Variants in KCNH4 observed in about 807,000 individuals in gnomAD.
KCNH4 encodes voltage-gated delayed rectifier potassium channel KCNH4.
Under a neutral mutation model 90.7 loss-of-function variants are expected in KCNH4, and 33 were observed. The observed-to-expected ratio is 0.36, with a 90% CI of 0.28 to 0.49. The LOEUF (loss-of-function observed/expected upper bound fraction) is 0.49, where lower values mean the gene tolerates loss of function less well. Ranked by LOEUF, KCNH4 falls within the 20% of genes least tolerant of loss-of-function variation. The pLI is 0.98. For missense variants in KCNH4, 1,044 were observed against 1,387.1 expected (o/e 0.75, Z 3.93); for synonymous variants, 551 against 581.7 (o/e 0.95, Z 0.76).
In KCNH4 at chr17:42,165,068, T is replaced by C. The variant is rs370432774; in HGVS notation, c.2085+381A>G. On this transcript the variant is annotated intron_variant, in intron 11 of 16. Transcript: ENST00000264661. ...TTGTGATGAGCCAAGATCGCGCCAC[T>C]GCACTCCAGCCTGGGCGACAGAGTA... Among the ~76,000 whole-genome samples, 26 of 150,504 alleles carry C rather than the reference T, an allele frequency of 1.7e-4. No individual in the cohort carries two copies. In the East Asian group the frequency reaches 5.1e-3, roughly 29 times the overall value.
intron 1 of KCNH4, among the ~76,000 whole-genome samples, chr17:42,179,364 C>T (rs1315033110): frequency 9.2e-5 from 14 of 152,202 alleles, no homozygotes; most frequent in Admixed American, 9.2e-4. Context: ...CTCCTGCAAC[C>T]CTCCACTGCC....
At position 42,169,997 on chromosome 17, in the gene KCNH4, G is replaced by A. The variant is rs541925529; in HGVS notation, c.1390+110C>T. On this transcript the variant is annotated intron_variant, in intron 8 of 16. Transcript: ENST00000264661. Reference sequence around the variant, plus strand: ...TCCGTGAATGAATGCGTGACTGTCTGGACTTGGGTAGACACCTCGGGCAGA... The same window carrying A: ...TCCGTGAATGAATGCGTGACTGTCTAGACTTGGGTAGACACCTCGGGCAGA... 6 of 1,154,806 alleles carry A rather than the reference G, an allele frequency of 5.2e-6. No homozygotes were observed. The South Asian group carries it at 7.7e-5, about 15-fold the overall frequency. 71.5% of individuals were successfully genotyped at this position (1,154,806 alleles called of 1,614,324 possible).
rs748071039 is a variant in KCNH4 at position 42,163,199 on chromosome 17, C to T, written c.2584+29G>A. On this transcript the variant is annotated intron_variant, in intron 14 of 16. Transcript: ENST00000264661. This position sits in a 1 kb window ranked among gnomAD's most constrained non-coding sequence, Gnocchi z 5.4. Reference sequence around the variant, plus strand: ...GACAGGTGGATGGGCAGATGGATGACGGGGTTGAAGTCCACTGTTGGCCCT... The same window carrying T: ...GACAGGTGGATGGGCAGATGGATGATGGGGTTGAAGTCCACTGTTGGCCCT... The T allele has an allele frequency of 1.1e-5, 16 of 1,442,554 alleles. No homozygotes were observed. The highest frequency in any genetic ancestry group is 5.6e-5 in the African/African-American group (4 of 71,530). 89.4% of individuals were successfully genotyped at this position (1,442,554 alleles called of 1,614,324 possible). A position where few individuals can be genotyped will look rare whatever the true frequency, so the allele number is the denominator to read the frequency against.
intron 15 of KCNH4, among the ~76,000 whole-genome samples, chr17:42,161,120 G>C (rs1227114824): frequency 6.6e-6 from 1 of 151,810 alleles, no homozygotes; most frequent in Non-Finnish European, 1.5e-5. Context: ...AGTAGAGACA[G>C]GGTTTCACCG....
At chr17:42,172,378 T>A (rs1007194632) in intron 6 of KCNH4, among the ~76,000 whole-genome samples, 1 of 151,910 alleles carries the variant, frequency 6.6e-6, no homozygotes, top group African/African-American at 2.4e-5. Flanking sequence ...TTCACTACAT[T>A]GGCCAGGATG....
rs2079891311 is a variant in KCNH4 at position 42,180,179 on chromosome 17, G to T, written c.76+691C>A. 6.6e-6 allele frequency among the ~76,000 whole-genome samples: 1 copy of T among 152,214 alleles called. No homozygotes were observed. Among genetic ancestry groups the T allele is most frequent in the East Asian group, 1.9e-4 (1 of 5,198 alleles). On this transcript the variant is annotated intron_variant, in intron 1 of 16. Transcript: ENST00000264661. The surrounding 1 kb of genome is among the most constrained non-coding windows in gnomAD (Gnocchi z 4.7). ...CCCCCACCATCCAGATCCCGGCCAG[G>T]GTTCCCGAGGGAATGGCGGGGTTGG...
intron 5 of KCNH4, 113 bp from the exon 6 acceptor site, chr17:42,175,849 T>C: frequency 1.5e-6 from 2 of 1,376,796 alleles, no homozygotes; most frequent in South Asian, 2.6e-5. Context: ...GAGAGATAGA[T>C]TGGGCTTCTG....
At chr17:42,175,147 G>A (rs1212847642) in intron 6 of KCNH4, among the ~76,000 whole-genome samples, 1 of 152,208 alleles carries the variant, frequency 6.6e-6, no homozygotes, top group African/African-American at 2.4e-5. Flanking sequence ...TGTCCCTGAT[G>A]TGCTCTGTGG....
At position 42,164,138 on chromosome 17, in the gene KCNH4, G is replaced by A. The variant is rs563282480; in HGVS notation, c.2116C>T (p.Leu706Phe). Reference sequence around the variant, plus strand: ...CAGGAAGTGGGTGTTACCTGGGAGAGGCGAGGGGATCGGGAAAAGCGGCTG... The same window carrying A: ...CAGGAAGTGGGTGTTACCTGGGAGAAGCGAGGGGATCGGGAAAAGCGGCTG... ...GLSRFSRSPR[L>F]SQPRSESLGS... Residue 706 changes from leucine (L) to phenylalanine (F), a missense_variant, in exon 12 of 17, where the codon CTC (leucine) becomes TTC (phenylalanine). Around this residue, in one of 4 missense-constraint regions of KCNH4, gnomAD observed 441 missense variants for 512.3 expected, o/e 0.86. Transcript: ENST00000264661. 40 of 1,551,840 alleles carry A rather than the reference G, an allele frequency of 2.6e-5. No homozygotes were observed. The East Asian group carries it at 9.2e-4, about 36-fold the overall frequency.
chr17:42,171,763 T>C, intron 7 of KCNH4, 25 bp downstream of exon 7: 2 of 1,612,260 alleles, frequency 1.2e-6, no homozygotes, highest in Non-Finnish European at 1.7e-6. Context: ...AGGTGGTCTG[T>C]GAAAGTTTGG....
intron 2 of KCNH4, 78 bp from the exon 3 acceptor site, chr17:42,178,555 C>G: frequency 6.5e-7 from 1 of 1,532,882 alleles, no homozygotes; most frequent in Non-Finnish European, 8.9e-7. Flanking sequence ...TCTCATCCTC[C>G]TAGACATAGT....
rs771453952 is a variant in KCNH4 at position 42,171,771 on chromosome 17, TG to T, written c.1195+16del. 2.9e-5 allele frequency: 47 copies of T among 1,613,604 alleles called. No individual in the cohort carries two copies. In the African/African-American group the frequency reaches 5.5e-4, roughly 19 times the overall value. On this transcript the variant is annotated intron_variant, in intron 7 of 16. Coordinates refer to ENST00000264661, the MANE Select transcript of KCNH4 (RefSeq NM_012285.3). ...GGTGGACAGGTGGTCTGTGAAAGTTTGGGGTCGGTGGCTCACCAATGTCCCA... is the reference window on the plus strand; with the variant it reads ...GGTGGACAGGTGGTCTGTGAAAGTTTGGGTCGGTGGCTCACCAATGTCCCA...
rs2079754531 is a variant in KCNH4, at chr17:42,162,309, C to T, written c.2597G>A (p.Ser866Asn). Residue 866 changes from serine to asparagine, a missense_variant, in exon 15 of 17, where the codon AGC becomes AAC. By Grantham distance (46) the Ser-to-Asn change is conservative. Coordinates refer to ENST00000264661, the MANE Select transcript of KCNH4 (RefSeq NM_012285.3). Reference protein sequence around the residue: ...SQAPPTGTRPSPELASEAEEV... With the variant: ...SQAPPTGTRPNPELASEAEEV... Reference sequence around the variant, plus strand: ...CTCAGCCTCACTGGCCAATTCTGGGCTGGGCCTGGTCCCTGCAGGGTGAAG... The same window carrying T: ...CTCAGCCTCACTGGCCAATTCTGGGTTGGGCCTGGTCCCTGCAGGGTGAAG... 6.2e-7 allele frequency: 1 copy of T among 1,613,850 alleles called. No individual in the cohort carries two copies. Among genetic ancestry groups the T allele is most frequent in the African/African-American group, 1.3e-5 (1 of 74,908 alleles).
intron 8 of KCNH4, 92 bp downstream of exon 8, chr17:42,170,015 C>G (rs969087573): frequency 3.3e-5 from 44 of 1,315,476 alleles, no homozygotes; most frequent in Non-Finnish European, 4.5e-5. Context: ...GTAGACACCT[C>G]GGGCAGATGT....
chr17:42,175,199 T>A (rs947119804), intron 6 of KCNH4, among the ~76,000 whole-genome samples: 1 of 152,228 alleles, frequency 6.6e-6, no homozygotes, highest in Non-Finnish European at 1.5e-5. Context: ...AGAGGCTGAA[T>A]CCTTGTTCCC....
chr17:42,172,013 G>C lies in KCNH4; in HGVS notation c.988-18C>G. ...AGCGAGGTCTGCAGGAAGGTGGCGG[G>C]GGAGGCTGTCAGCAGGCACACCTCC... is the stretch of plus-strand genomic sequence containing the variant. On this transcript the variant is annotated intron_variant, in intron 6 of 16. Coordinates refer to ENST00000264661, the MANE Select transcript of KCNH4 (RefSeq NM_012285.3). The C allele has an allele frequency of 6.4e-7, 1 of 1,566,316 alleles. No individual in the cohort carries two copies. Among genetic ancestry groups the C allele is most frequent in the Non-Finnish European group, 8.7e-7 (1 of 1,156,022 alleles).
chr17:42,159,034 C>CT (rs56722585), intron 16 of KCNH4, among the ~76,000 whole-genome samples: 11,602 of 151,224 alleles, frequency 0.077, 542 homozygotes, highest in African/African-American at 0.13. Context: ...TAACCTGTCT[C>CT]TTTTTTTTAT....
rs1470715418 is a variant in KCNH4, at chr17:42,159,992, G to A, written c.*48C>T. On this transcript the variant is annotated 3_prime_UTR_variant, in exon 16 of 17. Transcript: ENST00000264661. ...CAAGGGGCCCAGGTCCTCCCTGAGT[G>A]GTGAGCGGCAGCGCCCACCCCAGAC... The A allele has an allele frequency of 4.2e-6, 6 of 1,434,288 alleles. No homozygotes were observed. The highest frequency in any genetic ancestry group is 5.5e-6 in the Non-Finnish European group (6 of 1,081,712). 88.8% of individuals were successfully genotyped at this position (1,434,288 alleles called of 1,614,324 possible). A position where few individuals can be genotyped will look rare whatever the true frequency, so the allele number is the denominator to read the frequency against.
chr17:42,167,971 C>T (rs1184058922), intron 9 of KCNH4, among the ~76,000 whole-genome samples: 2 of 152,188 alleles, frequency 1.3e-5, no homozygotes, highest in Admixed American at 6.5e-5. Context: ...CCCATTCCTG[C>T]GGGCTTATTG....
Sources: gnomAD v4.1 joint callset for allele counts (sites outside exome capture counted in the v4.1 genomes callset) on GRCh38, gnomAD v4.1.1 for gene constraint, gnomAD v4.1.1 regional missense constraint, Gnocchi (gnomAD v3.1) non-coding constraint, MANE v1.5 for transcripts, NCBI Gene and HGNC (gene_info 2026-07-23, HGNC 2026-07-21) for gene names.